Variants in SLC25A12 observed in about 807,000 individuals in gnomAD.
SLC25A12 encodes electrogenic aspartate/glutamate antiporter SLC25A12, mitochondrial.
In SLC25A12, 32 loss-of-function variants were observed where a neutral mutation model predicts 83.3. The ratio of observed to expected loss-of-function variants is 0.38; its 90% CI spans 0.29 to 0.52. The LOEUF (loss-of-function observed/expected upper bound fraction) is 0.52. Ranked by LOEUF, SLC25A12 falls within the 20% of genes least tolerant of loss-of-function variation. The pLI is 0.84. For synonymous variants in SLC25A12, 267 were observed against 291.1 expected (o/e 0.92, Z 0.84); for missense variants, 611 against 835.6 (o/e 0.73, Z 3.31).
In SLC25A12 at chr2:171,866,962, G is replaced by A. The variant is rs1194618834; in HGVS notation, c.209+1719C>T. On this transcript the variant is annotated intron_variant, in intron 3 of 17. Coordinates refer to ENST00000422440, the MANE Select transcript of SLC25A12 (RefSeq NM_003705.5). ...GGTCTCCTCACTTCTCTGATGGGGC[G>A]GCCAGGCAGAGACGCTCCTCACCTC... is the stretch of plus-strand genomic sequence containing the variant. Among the ~76,000 whole-genome samples, 159 of 147,850 alleles carry A rather than the reference G, an allele frequency of 1.1e-3. 1 individual carries two copies. The highest frequency in any genetic ancestry group is 7.1e-3 in the Middle Eastern group (2 of 282).
At chr2:171,893,859 A>G (rs777985409) in intron 1 of SLC25A12, among the ~76,000 whole-genome samples, 1 of 152,094 alleles carries the variant, frequency 6.6e-6, no homozygotes, top group Non-Finnish European at 1.5e-5. Context: ...TACCCTAGGT[A>G]TCCCCAGCTT....
chr2:171,853,173 G>A (rs915231085), intron 4 of SLC25A12, among the ~76,000 whole-genome samples: 2 of 151,970 alleles, frequency 1.3e-5, no homozygotes, highest in Admixed American at 6.6e-5. Flanking sequence ...CACTGCACCT[G>A]GCTTCATCTT....
At chr2:171,837,395 C>G (rs1684582330) in intron 5 of SLC25A12, 128 bp from the exon 6 acceptor site, 1 of 988,406 alleles carries the variant, frequency 1.0e-6, no homozygotes, top group Non-Finnish European at 1.6e-6. Context: ...ATGCACAGAT[C>G]TGAATTTGCA....
At position 171,842,926 on chromosome 2, in the gene SLC25A12, A is replaced by G. The variant is rs572830257; in HGVS notation, c.465+1443T>C. ...AACCTCCACCTCCTGGGTTCAAGTGATTCTCCTGCCTCAGCCTCTCCAGTA... is the reference window on the plus strand; with the variant it reads ...AACCTCCACCTCCTGGGTTCAAGTGGTTCTCCTGCCTCAGCCTCTCCAGTA... On this transcript the variant is annotated intron_variant, in intron 5 of 17. Transcript: ENST00000422440. Among the ~76,000 whole-genome samples, 132 of 152,226 alleles carry G rather than the reference A, an allele frequency of 8.7e-4. 1 individual carries two copies. The South Asian group carries it at 0.018, about 21-fold the overall frequency.
At chr2:171,863,529 C>CAAAAA (rs56272846) in intron 3 of SLC25A12, among the ~76,000 whole-genome samples, 2 of 128,386 alleles carry the variant, frequency 1.6e-5, no homozygotes, top group African/African-American at 3.0e-5. Flanking sequence ...CCGTCTCCGA[C>CAAAAA]AAAAAAAAAA....
chr2:171,833,305 G>T (rs1422340134), intron 8 of SLC25A12, among the ~76,000 whole-genome samples: 1 of 152,122 alleles, frequency 6.6e-6, no homozygotes, highest in Non-Finnish European at 1.5e-5. Context: ...CTCCCATAAA[G>T]ATTTATGAAG....
At chr2:171,875,980 T>G (rs1050398120) in intron 2 of SLC25A12, among the ~76,000 whole-genome samples, 3 of 149,706 alleles carry the variant, frequency 2.0e-5, no homozygotes, top group African/African-American at 7.4e-5. Context: ...ATTTTTAAAG[T>G]ATACTGTATA....
chr2:171,799,993 C>T (rs1231412715), intron 13 of SLC25A12, among the ~76,000 whole-genome samples: 1 of 152,132 alleles, frequency 6.6e-6, no homozygotes, highest in East Asian at 1.9e-4. Context: ...TAAAAAAGAA[C>T]AGGTACTTAC....
intron 2 of SLC25A12, among the ~76,000 whole-genome samples, chr2:171,871,362 C>T (rs1573998165): frequency 1.3e-5 from 2 of 152,150 alleles, no homozygotes; most frequent in African/African-American, 2.4e-5. Flanking sequence ...GTCAAGAGTT[C>T]GAGGCCAGCC....
At chr2:171,890,018 C>A (rs1309475440) in intron 2 of SLC25A12, among the ~76,000 whole-genome samples, 1 of 152,230 alleles carries the variant, frequency 6.6e-6, no homozygotes, top group Non-Finnish European at 1.5e-5. Flanking sequence ...TGCTCTACCA[C>A]AGGCTATGCA....
Position 171,866,410 on chromosome 2 carries a change from C to T in SLC25A12, c.209+2271G>A, listed in dbSNP as rs1161807163. On this transcript the variant is annotated intron_variant, in intron 3 of 17. Coordinates refer to ENST00000422440, the MANE Select transcript of SLC25A12 (RefSeq NM_003705.5). ...CTCCTCACTTCCCAGTAGGGGCGGC[C>T]GGGCAGAGGCGCCCCTCACCTCCCG... Among the ~76,000 whole-genome samples the T allele has an allele frequency of 1.5e-4, 21 of 143,360 alleles. No individual in the cohort carries two copies. The East Asian group carries it at 4.2e-3, about 29-fold the overall frequency. The allele number at this position is 143,360 out of a possible 152,430, so 94.0% of individuals were successfully genotyped here. A position where few individuals can be genotyped will look rare whatever the true frequency, so the allele number is the denominator to read the frequency against.
At chr2:171,870,218 A>C (rs1685430435) in intron 2 of SLC25A12, among the ~76,000 whole-genome samples, 1 of 152,246 alleles carries the variant, frequency 6.6e-6, no homozygotes, top group African/African-American at 2.4e-5. Flanking sequence ...TTTAACTATG[A>C]GAAATTACTT....
At chr2:171,892,440 T>C (rs1333672855) in intron 2 of SLC25A12, among the ~76,000 whole-genome samples, 1 of 152,148 alleles carries the variant, frequency 6.6e-6, no homozygotes. Context: ...TTAGCCAGGA[T>C]GGTCTCGATC....
intron 4 of SLC25A12, 72 bp from the exon 5 acceptor site, chr2:171,844,580 A>G (rs1684751643): frequency 1.8e-6 from 2 of 1,095,274 alleles, no homozygotes; most frequent in Non-Finnish European, 2.7e-6. Flanking sequence ...ATGTTCCTAC[A>G]GAAAAAAATT....
chr2:171,858,190 G>A (rs1391143239), intron 3 of SLC25A12, among the ~76,000 whole-genome samples: 1 of 152,024 alleles, frequency 6.6e-6, no homozygotes, highest in Non-Finnish European at 1.5e-5. Flanking sequence ...TCTGCAGACT[G>A]GTCTTCAATG....
At chr2:171,867,080 C>G (rs1382705990) in intron 3 of SLC25A12, among the ~76,000 whole-genome samples, 2 of 151,590 alleles carry the variant, frequency 1.3e-5, no homozygotes, top group Non-Finnish European at 2.9e-5. Context: ...CGATGGGCGG[C>G]CGGGCAGAGA....
chr2:171,856,223 C>G lies in SLC25A12; in HGVS notation c.210-274G>C, dbSNP rs1337852779. 1.3e-5 allele frequency among the ~76,000 whole-genome samples: 2 copies of G among 152,288 alleles called. 1 individual carries two copies. The highest frequency in any genetic ancestry group is 3.9e-4 in the East Asian group (2 of 5,192). On this transcript the variant is annotated intron_variant, in intron 3 of 17. Transcript: ENST00000422440. ...AGGCAAAATATAATTAAACCTGAAT[C>G]TGATCAAGTCTCTGGATCAGTTTCT...
At chr2:171,818,200 T>C (rs1401938629) in intron 9 of SLC25A12, among the ~76,000 whole-genome samples, 3 of 152,304 alleles carry the variant, frequency 2.0e-5, no homozygotes, top group East Asian at 1.9e-4. Flanking sequence ...CCTGAATTTT[T>C]AGCATTTAGG....
intron 4 of SLC25A12, among the ~76,000 whole-genome samples, chr2:171,853,392 T>C (rs1684973944): frequency 1.4e-5 from 2 of 138,392 alleles, no homozygotes; most frequent in South Asian, 2.5e-4. Flanking sequence ...AAAGCTAAAG[T>C]TGGCTGGGTG....
Sources: allele counts gnomAD v4.1 joint callset (sites outside exome capture counted in the v4.1 genomes callset), GRCh38; gene constraint gnomAD v4.1.1; transcripts MANE v1.5; gene names NCBI Gene and HGNC (gene_info 2026-07-23, HGNC 2026-07-21).